EPN1: variants seen among roughly 807,000 people sequenced by gnomAD.
The protein encoded by EPN1 is epsin-1.
Under a neutral mutation model 56.9 loss-of-function variants are expected in EPN1, and 25 were observed. The observed-to-expected ratio is 0.44, with a 90% CI of 0.32 to 0.61. EPN1 has a LOEUF of 0.61. EPN1 is among the 20% of genes least tolerant of loss of function. The pLI is 0.05. For missense variants in EPN1, 785 were observed against 823.7 expected (o/e 0.95, Z 0.58); for synonymous variants, 411 against 361.8 (o/e 1.14, Z -1.54).
Position 55,706,297 on chromosome 19 carries a change from T to A in EPN1, c.*10941T>A, listed in dbSNP as rs898783750. 1.9e-5 allele frequency: 3 copies of A among 156,224 alleles called. No homozygotes were observed. The highest frequency in any genetic ancestry group is 2.8e-5 in the Non-Finnish European group (2 of 72,346). The allele number at this position is 156,224 out of a possible 1,614,324, so 9.7% of individuals were successfully genotyped here. On this transcript the variant is annotated 3_prime_UTR_variant, in exon 11 of 11. Transcript: ENST00000270460. The stretch of plus-strand genomic sequence containing the variant: ...TTTTTCTTCTTCTTTTTTTTTTTTT[T>A]TTAAAAGACCGTGTTTCGCTCTGTC...
rs1568560345 is a variant in EPN1 at position 55,675,295 on chromosome 19, G to GGCGGCGGA, written c.-239_-232dup. 2.6e-5 allele frequency: 4 copies of GGCGGCGGA among 152,006 alleles called. No individual in the cohort carries two copies. 9.4% of individuals were successfully genotyped at this position (152,006 alleles called of 1,614,324 possible). ...TCTCCGCGCCCCTTCTGGGCGGCGG[G>GGCGGCGGA]GCGGCGGAGCCGTCGGCGTGCGGCC... On this transcript the variant is annotated 5_prime_UTR_variant, in exon 1 of 11. Transcript: ENST00000270460.
In EPN1 at chr19:55,695,131, G is replaced by A; in HGVS notation, c.1523-17G>A. 6.2e-7 allele frequency: 1 copy of A among 1,613,652 alleles called. No individual in the cohort carries two copies. Among genetic ancestry groups the A allele is most frequent in the Non-Finnish European group, 8.5e-7 (1 of 1,179,782 alleles). On this transcript the variant is annotated splice_polypyrimidine_tract_variant and intron_variant, in intron 10 of 10. Transcript: ENST00000270460. The surrounding 1 kb of genome is among the most constrained non-coding windows in gnomAD (Gnocchi z 4.4). ...CCACTGACTCCACTCCGTGTCTCTG[G>A]TTTACTCTTCCTGCAGGAGGCCCAG...
chr19:55,682,051 T>G (rs1408061501), intron 2 of EPN1, among the ~76,000 whole-genome samples: 4 of 151,982 alleles, frequency 2.6e-5, no homozygotes, highest in Admixed American at 2.6e-4. Context: ...AGCGATCCTC[T>G]TGCCTTGGCT....
chr19:55,684,529 C>T (rs1035451941), intron 2 of EPN1, among the ~76,000 whole-genome samples: 4 of 152,076 alleles, frequency 2.6e-5, no homozygotes, highest in Non-Finnish European at 4.4e-5. Context: ...ACAAACATAC[C>T]AAAGGGTGCA....
Position 55,685,480 on chromosome 19 carries a change from A to G in EPN1, c.313A>G (p.Thr105Ala). The stretch of plus-strand genomic sequence containing the variant: ...CAAGGAGAACATGTACGCCGTGCAG[A>G]CGCTGAAGGACTTCCAGTACGTGGA... ...QCKENMYAVQ[T>A]LKDFQYVDRD... The change falls in exon 3 of 11, where the codon ACG becomes GCG. Residue 105 changes from threonine to alanine, a missense_variant. Around this residue, in one of 2 missense-constraint regions of EPN1, gnomAD observed 135 missense variants for 218.7 expected, o/e 0.62. Coordinates refer to ENST00000270460, the MANE Select transcript of EPN1 (RefSeq NM_001130072.2). The G allele has an allele frequency of 2.5e-6, 4 of 1,612,496 alleles. No individual in the cohort carries two copies. The highest frequency in any genetic ancestry group is 3.4e-6 in the Non-Finnish European group (4 of 1,179,376).
At position 55,689,417 on chromosome 19, in the gene EPN1, A is replaced by G. The variant is rs759245215; in HGVS notation, c.678+46A>G. The G allele has an allele frequency of 5.3e-4, 769 of 1,460,202 alleles. 5 individuals carry two copies. Among genetic ancestry groups the G allele is most frequent in the Middle Eastern group, 1.7e-4 (1 of 5,808 alleles). 90.5% of individuals were successfully genotyped at this position (1,460,202 alleles called of 1,614,324 possible). On this transcript the variant is annotated intron_variant, in intron 5 of 10. Transcript: ENST00000270460. The surrounding 1 kb of genome is among the most constrained non-coding windows in gnomAD (Gnocchi z 5.7). ...CCTGCCCCTGCCAGGGGCTCCCCTC[A>G]GACCAGCCCCGTCGCCCCTTCCTAA...
Position 55,704,305 on chromosome 19 carries a change from C to G in EPN1, c.*8949C>G, listed in dbSNP as rs1393979513. The G allele has an allele frequency of 6.6e-6, 1 of 152,324 alleles. No individual in the cohort carries two copies. The highest frequency in any genetic ancestry group is 1.5e-5 in the Non-Finnish European group (1 of 68,136). The allele number at this position is 152,324 out of a possible 1,614,324, so 9.4% of individuals were successfully genotyped here. A position where few individuals can be genotyped will look rare whatever the true frequency, so the allele number is the denominator to read the frequency against. ...AAGCTCTATGTTGAAACCCTACCCCCCACCCTGCACCGACCCCGTACCCCA... is the reference window on the plus strand; with the variant it reads ...AAGCTCTATGTTGAAACCCTACCCCGCACCCTGCACCGACCCCGTACCCCA... On this transcript the variant is annotated 3_prime_UTR_variant, in exon 11 of 11. Transcript: ENST00000270460.
At chr19:55,683,396 G>A (rs147559759) in intron 2 of EPN1, among the ~76,000 whole-genome samples, 3 of 151,514 alleles carry the variant, frequency 2.0e-5, no homozygotes, top group East Asian at 1.9e-4. Context: ...CTGTCTCCCA[G>A]GCTGGAGTAC....
chr19:55,689,342 C>T lies in EPN1; in HGVS notation c.649C>T (p.Leu217Phe), dbSNP rs1461790307. ...PEDDAQLQLA[L>F]SLSREEHDKE... ...GGACGACGCCCAGCTCCAGCTGGCC[C>T]TTAGTTTGAGCCGAGAAGAGCATGA... The change falls in exon 5 of 11, where the codon CTT (leucine) becomes TTT (phenylalanine). Residue 217 changes from leucine (L) to phenylalanine (F), a missense_variant. By Grantham distance (22) the Leu-to-Phe change is conservative. Around this residue, in one of 2 missense-constraint regions of EPN1, gnomAD observed 650 missense variants for 605.0 expected, o/e 1.07. Coordinates refer to ENST00000270460, the MANE Select transcript of EPN1 (RefSeq NM_001130072.2). The surrounding 1 kb of genome is among the most constrained non-coding windows in gnomAD (Gnocchi z 5.7). 1 of 1,551,932 alleles carries T rather than the reference C, an allele frequency of 6.4e-7. No individual in the cohort carries two copies. Among genetic ancestry groups the T allele is most frequent in the Non-Finnish European group, 8.7e-7 (1 of 1,147,034 alleles).
chr19:55,682,159 C>G (rs1010498518), intron 2 of EPN1, among the ~76,000 whole-genome samples: 1 of 152,206 alleles, frequency 6.6e-6, no homozygotes, highest in Non-Finnish European at 1.5e-5. Context: ...AAGTTGTATA[C>G]TAAGCACATC....
chr19:55,687,735 T>A (rs954828789), intron 3 of EPN1, among the ~76,000 whole-genome samples: 2 of 152,140 alleles, frequency 1.3e-5, no homozygotes, highest in Non-Finnish European at 2.9e-5. Flanking sequence ...CTGCTGGTTC[T>A]CTCGTCCTTT....
At chr19:55,682,164 C>T (rs1214570550) in intron 2 of EPN1, among the ~76,000 whole-genome samples, 1 of 152,304 alleles carries the variant, frequency 6.6e-6, no homozygotes, top group East Asian at 1.9e-4. Flanking sequence ...GTATACTAAG[C>T]ACATCATGAA....
At chr19:55,680,786 C>T (rs534885499) in intron 2 of EPN1, 2 of 152,712 alleles carry the variant, frequency 1.3e-5, no homozygotes, top group African/African-American at 4.8e-5. Flanking sequence ...GTGATGAGGA[C>T]AACCCCACAG....
At chr19:55,688,201 G>A (rs1196933742) in intron 3 of EPN1, among the ~76,000 whole-genome samples, 1 of 152,136 alleles carries the variant, frequency 6.6e-6, no homozygotes, top group African/African-American at 2.4e-5. Context: ...GGCCTTGGGG[G>A]TGGAGAGAAC....
In EPN1 at chr19:55,700,446, CAG is replaced by C. The variant is rs1349910941; in HGVS notation, c.*5094_*5095del. 1 of 149,862 alleles carries C rather than the reference CAG, an allele frequency of 6.7e-6. No homozygotes were observed. Among genetic ancestry groups the C allele is most frequent in the Non-Finnish European group, 1.5e-5 (1 of 68,012 alleles). 9.3% of individuals were successfully genotyped at this position (149,862 alleles called of 1,614,324 possible). On this transcript the variant is annotated 3_prime_UTR_variant, in exon 11 of 11. Transcript: ENST00000270460. ...AGCCAACTCATTTTTCTGTTTTTAGCAGAGACAGGGTTTCACCATATTGGCCA... is the reference window on the plus strand; with the variant it reads ...AGCCAACTCATTTTTCTGTTTTTAGCAGACAGGGTTTCACCATATTGGCCA...
chr19:55,685,699 C>T (rs930542620), intron 3 of EPN1, 54 bp downstream of exon 3: 17 of 1,537,822 alleles, frequency 1.1e-5, no homozygotes, highest in Admixed American at 3.9e-5. Context: ...CCGCCTACTG[C>T]GGCTCCCGGC....
In EPN1 at chr19:55,701,655, T is replaced by C. The variant is rs1371313618; in HGVS notation, c.*6299T>C. 1 of 152,136 alleles carries C rather than the reference T, an allele frequency of 6.6e-6. No individual in the cohort carries two copies. Among genetic ancestry groups the C allele is most frequent in the Non-Finnish European group, 1.5e-5 (1 of 68,040 alleles). 9.4% of individuals were successfully genotyped at this position (152,136 alleles called of 1,614,324 possible). A position where few individuals can be genotyped will look rare whatever the true frequency, so the allele number is the denominator to read the frequency against. ...TGAGCTTTCGGGACCCTGCCTGGCT[T>C]GTTCCTGTAAAACGGTCTTGTCTGT... On this transcript the variant is annotated 3_prime_UTR_variant, in exon 11 of 11. Coordinates refer to ENST00000270460, the MANE Select transcript of EPN1 (RefSeq NM_001130072.2).
intron 2 of EPN1, among the ~76,000 whole-genome samples, chr19:55,682,945 T>G (rs903852311): frequency 4.7e-4 from 71 of 151,774 alleles, no homozygotes; most frequent in Admixed American, 3.7e-3. Context: ...TTAGTAGAGA[T>G]GGGGTTTCAC....
At chr19:55,693,770 G>A (rs927383403) in intron 9 of EPN1, among the ~76,000 whole-genome samples, 1 of 152,156 alleles carries the variant, frequency 6.6e-6, no homozygotes, top group Non-Finnish European at 1.5e-5. Flanking sequence ...AGCTTGCAGG[G>A]AGTGAGCTGC....
Sources: gnomAD v4.1 joint callset for allele counts (sites outside exome capture counted in the v4.1 genomes callset) on GRCh38, gnomAD v4.1.1 for gene constraint, gnomAD v4.1.1 regional missense constraint, Gnocchi (gnomAD v3.1) non-coding constraint, MANE v1.5 for transcripts, NCBI Gene and HGNC (gene_info 2026-07-23, HGNC 2026-07-21) for gene names.